EEF2K: variants seen among roughly 807,000 people sequenced by gnomAD.
EEF2K encodes the protein eukaryotic elongation factor 2 kinase, also known as alternative protein EEF2K.
EEF2K carries 70 observed loss-of-function variants against 93.8 expected under a neutral mutation model. That is an observed-to-expected ratio of 0.75 (90% CI 0.62 to 0.91). EEF2K has a LOEUF of 0.91. Among genes scored for constraint, EEF2K ranks in the 40% least tolerant of loss-of-function variants. The pLI is 0.00. For missense variants in EEF2K, 935 were observed against 972.9 expected (o/e 0.96, Z 0.52); for synonymous variants, 376 against 380.8 (o/e 0.99, Z 0.15).
In EEF2K at chr16:22,278,870, C is replaced by T. The variant is rs564388123; in HGVS notation, c.1890-1328C>T. Among the ~76,000 whole-genome samples, 8 of 152,172 alleles carry T rather than the reference C, an allele frequency of 5.3e-5. 1 individual carries two copies. In the East Asian group the frequency reaches 9.7e-4, roughly 18 times the overall value. The stretch of plus-strand genomic sequence containing the variant: ...TGCAGTAGGAGGAGTTGAGGGTCGA[C>T]GGGCAGAGCTGGAAGTGGAGACTCA... On this transcript the variant is annotated intron_variant, in intron 16 of 17. Coordinates refer to ENST00000263026, the MANE Select transcript of EEF2K (RefSeq NM_013302.5).
In EEF2K at chr16:22,260,541, G is replaced by A. The variant is rs1567282364; in HGVS notation, c.1299+12G>A. On this transcript the variant is annotated intron_variant, in intron 11 of 17. Coordinates refer to ENST00000263026, the MANE Select transcript of EEF2K (RefSeq NM_013302.5). ...TAGACAACCACCGGGTGAGTGTGAA[G>A]GGAGGGAGGCTGCAGGCTTCAGACC... 30 of 1,614,104 alleles carry A rather than the reference G, an allele frequency of 1.9e-5. No homozygotes were observed. Among genetic ancestry groups the A allele is most frequent in the Non-Finnish European group, 2.5e-5 (30 of 1,180,014 alleles).
Position 22,284,277 on chromosome 16 carries a change from TG to T in EEF2K, c.*282del. The T allele has an allele frequency of 5.8e-5, 18 of 310,796 alleles. No homozygotes were observed. Among genetic ancestry groups the T allele is most frequent in the South Asian group, 4.5e-4 (12 of 26,888 alleles). 19.3% of individuals were successfully genotyped at this position (310,796 alleles called of 1,614,324 possible). A position where few individuals can be genotyped will look rare whatever the true frequency, so the allele number is the denominator to read the frequency against. ...ATACCGTTTTGTGTGTGGTTTTTTT[TG>T]TTTGTTTGTTTGTTTGTTTTGAGAC... On this transcript the variant is annotated 3_prime_UTR_variant, in exon 18 of 18. Coordinates refer to ENST00000263026, the MANE Select transcript of EEF2K (RefSeq NM_013302.5).
intron 4 of EEF2K, among the ~76,000 whole-genome samples, chr16:22,249,751 G>C (rs62044771): frequency 0.013 from 1,934 of 151,946 alleles, 21 homozygotes; most frequent in Admixed American, 0.018. Context: ...CAGACTACAG[G>C]GGTGCACCGT....
intron 16 of EEF2K, among the ~76,000 whole-genome samples, chr16:22,279,380 G>A (rs1271077810): frequency 3.3e-5 from 5 of 151,872 alleles, no homozygotes; most frequent in Non-Finnish European, 5.9e-5. Flanking sequence ...TGGGACTACA[G>A]GTGTCCATCA....
intron 1 of EEF2K, among the ~76,000 whole-genome samples, chr16:22,218,794 G>T (rs1415768823): frequency 2.0e-5 from 3 of 152,080 alleles, no homozygotes; most frequent in Non-Finnish European, 4.4e-5. Context: ...GCTTGAACCT[G>T]GGTCTTCCTG....
rs2047754756 is a variant in EEF2K at position 22,286,498 on chromosome 16, G to A, written c.*2502G>A. On this transcript the variant is annotated 3_prime_UTR_variant, in exon 18 of 18. Coordinates refer to ENST00000263026, the MANE Select transcript of EEF2K (RefSeq NM_013302.5). ...TTTTTGTAAAGGGGTAGAAAGTGAA[G>A]ATTTTAGGCTTTGCAGGCCATATAG... 1.3e-5 allele frequency: 2 copies of A among 152,232 alleles called. No homozygotes were observed. Among genetic ancestry groups the A allele is most frequent in the African/African-American group, 4.8e-5 (2 of 41,452 alleles). 9.4% of individuals were successfully genotyped at this position (152,232 alleles called of 1,614,324 possible).
At position 22,248,800 on chromosome 16, in the gene EEF2K, C is replaced by G; in HGVS notation, c.393C>G (p.Ile131Met). 1 of 1,614,008 alleles carries G rather than the reference C, an allele frequency of 6.2e-7. No homozygotes were observed. Among genetic ancestry groups the G allele is most frequent in the Non-Finnish European group, 8.5e-7 (1 of 1,179,960 alleles). ...AATGGCTGGATGATGAAGTTCTGAT[C>G]AAGATGGCATCTCAGGTGAGCAGAG... ...TGEWLDDEVL[I>M]KMASQPFGRG... The change falls in exon 4 of 18, where the codon ATC becomes ATG. Residue 131 changes from isoleucine (I) to methionine (M), a missense_variant. By Grantham distance (10) the Ile-to-Met change is conservative. Transcript: ENST00000263026.
intron 2 of EEF2K, among the ~76,000 whole-genome samples, chr16:22,241,832 A>G (rs938404871): frequency 6.6e-6 from 1 of 152,010 alleles, no homozygotes; most frequent in Non-Finnish European, 1.5e-5. Context: ...CTGCAGAGGT[A>G]AAAAAGCCCC....
intron 14 of EEF2K, 62 bp downstream of exon 14, chr16:22,266,586 C>G: frequency 1.2e-6 from 2 of 1,600,660 alleles, no homozygotes; most frequent in South Asian, 2.3e-5. Context: ...CAGCTCCAGC[C>G]TCTCCTCCGC....
rs531040315 is a variant in EEF2K, at chr16:22,248,823, G to A, written c.408+8G>A. 8.1e-5 allele frequency: 130 copies of A among 1,613,866 alleles called. 1 individual carries two copies. The South Asian group carries it at 1.3e-3, about 16-fold the overall frequency. ...ATCAAGATGGCATCTCAGGTGAGCA[G>A]AGCGTTGAGCCCCGTGGGGACAGGG... On this transcript the variant is annotated splice_region_variant and intron_variant, in intron 4 of 17. Coordinates refer to ENST00000263026, the MANE Select transcript of EEF2K (RefSeq NM_013302.5).
At chr16:22,273,265 C>T (rs536536146) in intron 15 of EEF2K, among the ~76,000 whole-genome samples, 8 of 152,134 alleles carry the variant, frequency 5.3e-5, no homozygotes, top group African/African-American at 9.7e-5. Flanking sequence ...TATTAAGAGG[C>T]GGTTTATGAA....
At chr16:22,263,463 G>T (rs918553446) in intron 12 of EEF2K, 4 of 185,058 alleles carry the variant, frequency 2.2e-5, no homozygotes, top group Non-Finnish European at 4.5e-5. Flanking sequence ...ACAAAAATTA[G>T]CCTGGCATGG....
intron 6 of EEF2K, among the ~76,000 whole-genome samples, chr16:22,255,754 T>G (rs2047392598): frequency 6.6e-6 from 1 of 151,654 alleles, no homozygotes; most frequent in Admixed American, 6.6e-5. Context: ...ATAAAAAAAT[T>G]TAGATATGAG....
At chr16:22,219,952 A>T (rs2046995456) in intron 1 of EEF2K, among the ~76,000 whole-genome samples, 1 of 152,164 alleles carries the variant, frequency 6.6e-6, no homozygotes, top group Admixed American at 6.6e-5. Flanking sequence ...CAAGGGGCAC[A>T]CTCCCTTTAA....
intron 11 of EEF2K, among the ~76,000 whole-genome samples, chr16:22,261,726 G>A (rs991322496): frequency 1.3e-4 from 20 of 150,478 alleles, no homozygotes; most frequent in Non-Finnish European, 2.4e-4. Flanking sequence ...TAGTAGAGGC[G>A]GGGTGTGGTG....
intron 1 of EEF2K, among the ~76,000 whole-genome samples, chr16:22,214,502 TAAAATA>T (rs1388829999): frequency 4.0e-5 from 6 of 149,590 alleles, no homozygotes; most frequent in Non-Finnish European, 8.9e-5. Flanking sequence ...TCTATAAAAA[TAAAATA>T]ACATAATTAG....
chr16:22,271,321 T>C (rs555660207), intron 15 of EEF2K, among the ~76,000 whole-genome samples: 10 of 152,178 alleles, frequency 6.6e-5, no homozygotes, highest in African/African-American at 2.4e-4. Context: ...GGGGAACATT[T>C]GACAATTGAC....
chr16:22,231,462 G>C (rs986906509), intron 2 of EEF2K, among the ~76,000 whole-genome samples: 2 of 151,854 alleles, frequency 1.3e-5, no homozygotes, highest in Non-Finnish European at 2.9e-5. Context: ...ATTGGTATCT[G>C]CATAGCAAAA....
chr16:22,264,208 C>G (rs1245215153), intron 12 of EEF2K, among the ~76,000 whole-genome samples: 1 of 143,866 alleles, frequency 7.0e-6, no homozygotes, highest in Non-Finnish European at 1.5e-5. Context: ...ATGAGAATCA[C>G]TTGAGCCTGG....
Sources: allele counts gnomAD v4.1 joint callset (sites outside exome capture counted in the v4.1 genomes callset), GRCh38; gene constraint gnomAD v4.1.1; transcripts MANE v1.5; gene names NCBI Gene and HGNC (gene_info 2026-07-23, HGNC 2026-07-21).